Variants in FLVCR2 observed in about 807,000 individuals in gnomAD.
The protein encoded by FLVCR2 is choline/ethanolamine transporter FLVCR2.
FLVCR2 carries 38 observed loss-of-function variants against 48.9 expected under a neutral mutation model. The observed-to-expected ratio is 0.78, with a 90% CI of 0.60 to 1.02. The LOEUF (loss-of-function observed/expected upper bound fraction) is 1.02. Among genes scored for constraint, FLVCR2 ranks in the 50% least tolerant of loss-of-function variants. The pLI is 0.00. For missense variants in FLVCR2, 664 were observed against 663.3 expected (o/e 1.00, Z -0.01); for synonymous variants, 255 against 257.0 (o/e 0.99, Z 0.07).
chr14:75,595,704 T>TTTTG, intron 1 of FLVCR2: 1 of 604,874 alleles, frequency 1.7e-6, no homozygotes, highest in South Asian at 2.1e-5. Flanking sequence ...ACTGTCTACT[T>TTTTG]TTTGTTTGTT....
chr14:75,610,433 A>G (rs1255098978), intron 1 of FLVCR2, among the ~76,000 whole-genome samples: 1 of 145,196 alleles, frequency 6.9e-6, no homozygotes, highest in Non-Finnish European at 1.5e-5. Flanking sequence ...AAAATAAAAC[A>G]CGGCCTTTGT....
chr14:75,614,942 T>A (rs564010678), intron 1 of FLVCR2, among the ~76,000 whole-genome samples: 123 of 152,316 alleles, frequency 8.1e-4, no homozygotes, highest in African/African-American at 2.7e-3. Context: ...ACTGCCCCCA[T>A]GATCCAGTCA....
rs1455913960 is a variant in FLVCR2, at chr14:75,579,280, T to G, written c.308T>G (p.Ile103Ser). 6.2e-7 allele frequency: 1 copy of G among 1,614,182 alleles called. No homozygotes were observed. Among genetic ancestry groups the G allele is most frequent in the Non-Finnish European group, 8.5e-7 (1 of 1,180,014 alleles). Residue 103 changes from isoleucine to serine, a missense_variant, in exon 1 of 10, where the codon ATC (isoleucine) becomes AGC (serine). Transcript: ENST00000238667. ...TCCATGTGCAACTCCTTTCAGTGGA[T>G]CCAGTACGGCTCCATCAATAACATC... ...CYSMCNSFQWIQYGSINNIFM... is the reference protein window; with the variant it reads ...CYSMCNSFQWSQYGSINNIFM...
chr14:75,591,419 C>T (rs1224742745), intron 1 of FLVCR2, among the ~76,000 whole-genome samples: 4 of 152,206 alleles, frequency 2.6e-5, no homozygotes, highest in African/African-American at 9.6e-5. Flanking sequence ...CACACTAGTG[C>T]CAGGAGGGGG....
At chr14:75,630,073 C>T (rs1290974920) in intron 3 of FLVCR2, among the ~76,000 whole-genome samples, 1 of 152,308 alleles carries the variant, frequency 6.6e-6, no homozygotes, top group Non-Finnish European at 1.5e-5. Context: ...TAACCAAAAC[C>T]CAAAGATATG....
At chr14:75,636,775 A>AT (rs1462264446) in intron 5 of FLVCR2, among the ~76,000 whole-genome samples, 10 of 152,126 alleles carry the variant, frequency 6.6e-5, no homozygotes, top group African/African-American at 2.4e-4. Context: ...AGGCTCCCAG[A>AT]TTTGTCTAGT....
Position 75,579,181 on chromosome 14 carries a change from C to T in FLVCR2, c.209C>T (p.Ser70Leu), listed in dbSNP as rs1348183027. 3 of 1,614,116 alleles carry T rather than the reference C, an allele frequency of 1.9e-6. No homozygotes were observed. Among genetic ancestry groups the T allele is most frequent in the African/African-American group, 1.3e-5 (1 of 75,022 alleles). The change falls in exon 1 of 10, where the codon TCG (serine) becomes TTG (leucine). Residue 70 changes from serine to leucine, a missense_variant. Ser to Leu is a moderately radical substitution (Grantham distance 145, BLOSUM62 -2). Transcript: ENST00000238667. ...QPSGLAHPSS[S>L]GPEDLSVIKV... The stretch of plus-strand genomic sequence containing the variant: ...AGTGGCTTGGCTCACCCCAGTAGCT[C>T]GGGCCCTGAGGACCTCAGCGTGATC...
At chr14:75,605,659 T>C in intron 1 of FLVCR2, 1 of 1,533,524 alleles carries the variant, frequency 6.5e-7, no homozygotes, top group South Asian at 1.2e-5. Flanking sequence ...CCAACTTCTT[T>C]GGGTTCAGCC....
intron 1 of FLVCR2, among the ~76,000 whole-genome samples, chr14:75,582,074 C>A (rs984145293): frequency 6.6e-6 from 1 of 152,176 alleles, no homozygotes; most frequent in Admixed American, 6.5e-5. Flanking sequence ...CCGTGAGGGA[C>A]AGAAGTTGTA....
rs1322790026 is a variant in FLVCR2 at position 75,647,350 on chromosome 14, C to T, written c.*878C>T. ...GCATTGGGAATCTCAGCCATCAGCCCAAGTGCTTGTTTTATTCCAAGGCAG... is the reference window on the plus strand; with the variant it reads ...GCATTGGGAATCTCAGCCATCAGCCTAAGTGCTTGTTTTATTCCAAGGCAG... On this transcript the variant is annotated 3_prime_UTR_variant, in exon 10 of 10. Coordinates refer to ENST00000238667, the MANE Select transcript of FLVCR2 (RefSeq NM_017791.3). The T allele has an allele frequency of 6.6e-6, 1 of 152,192 alleles. No individual in the cohort carries two copies. The highest frequency in any genetic ancestry group is 2.4e-5 in the African/African-American group (1 of 41,428). The allele number at this position is 152,192 out of a possible 1,614,324, so 9.4% of individuals were successfully genotyped here.
chr14:75,616,026 C>CAAAAGAAAAA (rs1889605286), intron 1 of FLVCR2, among the ~76,000 whole-genome samples: 1 of 25,618 alleles, frequency 3.9e-5, no homozygotes, highest in Non-Finnish European at 6.5e-5. Flanking sequence ...GACTCCATCT[C>CAAAAGAAAAA]AAAAAAAAAA....
intron 1 of FLVCR2, among the ~76,000 whole-genome samples, chr14:75,595,060 A>G (rs1248089483): frequency 6.6e-6 from 1 of 152,126 alleles, no homozygotes; most frequent in East Asian, 1.9e-4. Context: ...ACACTGTTAC[A>G]CTGGGGATTG....
At chr14:75,612,891 C>G (rs902388644) in intron 1 of FLVCR2, among the ~76,000 whole-genome samples, 1 of 152,206 alleles carries the variant, frequency 6.6e-6, no homozygotes, top group Non-Finnish European at 1.5e-5. Context: ...TCTTGGAGCC[C>G]TTGTTTATTC....
chr14:75,606,287 A>G (rs1197196301), intron 1 of FLVCR2, among the ~76,000 whole-genome samples: 1 of 152,158 alleles, frequency 6.6e-6, no homozygotes, highest in Admixed American at 6.5e-5. Flanking sequence ...TCTGTCTCCC[A>G]AAGTGCTGGG....
rs1177059853 is a variant in FLVCR2, at chr14:75,622,183, A to C, written c.774A>C (p.Gly258=). The C allele has an allele frequency of 6.2e-7, 1 of 1,613,768 alleles. No individual in the cohort carries two copies. ...TCAGCATCATGTTCTATATAATAGG[A>C]GGTGTGGCCACTCTCCTCCTCATCC... ...YHISIMFYII[G]GVATLLLILV... is the part of the protein sequence containing the mutation. Residue 258 remains glycine (G), a synonymous_variant, in exon 2 of 10, where the codon GGA becomes GGC. Coordinates refer to ENST00000238667, the MANE Select transcript of FLVCR2 (RefSeq NM_017791.3).
At chr14:75,634,631 T>C (rs1331004546) in intron 4 of FLVCR2, among the ~76,000 whole-genome samples, 1 of 152,230 alleles carries the variant, frequency 6.6e-6, no homozygotes, top group Non-Finnish European at 1.5e-5. Flanking sequence ...GAGGTTTACA[T>C]TTTTTAAAAA....
intron 1 of FLVCR2, among the ~76,000 whole-genome samples, chr14:75,612,407 C>A (rs946255539): frequency 1.3e-5 from 2 of 152,128 alleles, no homozygotes; most frequent in African/African-American, 4.8e-5. Flanking sequence ...CTGGAGTTGG[C>A]CAGCTGTAAC....
At chr14:75,584,552 GTAAGCTGCCTTTT>G (rs1418580201) in intron 1 of FLVCR2, among the ~76,000 whole-genome samples, 2 of 152,152 alleles carry the variant, frequency 1.3e-5, no homozygotes, top group Non-Finnish European at 2.9e-5. Flanking sequence ...TAACAGCTTC[GTAAGCTGCCTTTT>G]TAAGCCCTTC....
At chr14:75,605,734 G>C (rs1040903189) in intron 1 of FLVCR2, 2 of 1,050,558 alleles carry the variant, frequency 1.9e-6, no homozygotes, top group Non-Finnish European at 2.8e-6. Flanking sequence ...CTTCTCCAGA[G>C]AGGAGTTGAA....
Sources: gnomAD v4.1 joint callset for allele counts (sites outside exome capture counted in the v4.1 genomes callset) on GRCh38, gnomAD v4.1.1 for gene constraint, MANE v1.5 for transcripts, NCBI Gene and HGNC (gene_info 2026-07-23, HGNC 2026-07-21) for gene names.